MYO3A: variants seen among roughly 807,000 people sequenced by gnomAD.
MYO3A encodes the protein myosin-IIIa.
Under a neutral mutation model 192.7 loss-of-function variants are expected in MYO3A, and 180 were observed. That is an observed-to-expected ratio of 0.93 (90% CI 0.83 to 1.06). MYO3A has a LOEUF of 1.06. Among genes scored for constraint, MYO3A ranks in the 50% least tolerant of loss-of-function variants. The pLI is 0.00. For synonymous variants in MYO3A, 628 were observed against 645.3 expected, an observed-to-expected ratio of 0.97 and a Z score of 0.41; for missense variants, 1,896 against 1,905.0, an observed-to-expected ratio of 1.00 and a Z score of 0.09.
chr10:26,100,855 A>G, intron 17 of MYO3A, among the ~76,000 whole-genome samples: 1 of 152,208 alleles, frequency 6.6e-6, no homozygotes, highest in Non-Finnish European at 1.5e-5. Flanking sequence ...TATGGTGCTG[A>G]GAAGAATGTA....
intron 17 of MYO3A, among the ~76,000 whole-genome samples, chr10:26,119,056 C>T (rs1838691484): frequency 6.6e-6 from 1 of 152,120 alleles, no homozygotes; most frequent in Non-Finnish European, 1.5e-5. Context: ...TTCCTTCTTT[C>T]CTCTAGGAAG....
At chr10:26,200,828 C>T (rs536542557) in intron 32 of MYO3A, 1 of 152,390 alleles carries the variant, frequency 6.6e-6, no homozygotes, top group Admixed American at 6.5e-5. Context: ...TTTCACCTGC[C>T]GTCCATATTC....
chr10:26,004,792 A>G (rs1290526979), intron 6 of MYO3A, among the ~76,000 whole-genome samples: 1 of 152,190 alleles, frequency 6.6e-6, no homozygotes, highest in Non-Finnish European at 1.5e-5. Flanking sequence ...TAATGATAGT[A>G]ATTCACTGAA....
At chr10:26,092,203 C>T (rs1167528375) in intron 15 of MYO3A, among the ~76,000 whole-genome samples, 2 of 152,224 alleles carry the variant, frequency 1.3e-5, no homozygotes, top group Non-Finnish European at 2.9e-5. Flanking sequence ...TGCGGTGGCT[C>T]ACGCCTGTAA....
chr10:26,157,785 A>G (rs1159919389), intron 26 of MYO3A, among the ~76,000 whole-genome samples: 1 of 152,194 alleles, frequency 6.6e-6, no homozygotes, highest in African/African-American at 2.4e-5. Flanking sequence ...TTCTCGCCCT[A>G]GCTCAGCCAC....
intron 33 of MYO3A, among the ~76,000 whole-genome samples, chr10:26,202,429 T>C (rs1198052455): frequency 6.6e-6 from 1 of 152,224 alleles, no homozygotes. Context: ...GATGCACCCT[T>C]ATGTGTATGT....
chr10:26,021,728 T>A, intron 8 of MYO3A, 80 bp downstream of exon 8: 1 of 1,558,290 alleles, frequency 6.4e-7, no homozygotes, highest in Admixed American at 1.7e-5. Flanking sequence ...ATGCTCTTCA[T>A]GGAGACGTTC....
At chr10:26,075,817 G>GTC (rs1029560812) in intron 14 of MYO3A, among the ~76,000 whole-genome samples, 2 of 144,958 alleles carry the variant, frequency 1.4e-5, no homozygotes, top group Non-Finnish European at 3.0e-5. Flanking sequence ...ATATATATAT[G>GTC]TCTCTCATAT....
At chr10:26,029,234 C>T (rs2131136982) in intron 10 of MYO3A, among the ~76,000 whole-genome samples, 1 of 152,260 alleles carries the variant, frequency 6.6e-6, no homozygotes, top group South Asian at 2.1e-4. Context: ...TTCTGAGACA[C>T]AAGATGTAGT....
intron 23 of MYO3A, among the ~76,000 whole-genome samples, chr10:26,148,461 G>A (rs984954058): frequency 6.6e-6 from 1 of 152,236 alleles, no homozygotes; most frequent in Admixed American, 6.5e-5. Flanking sequence ...TCTTATTCAG[G>A]CTTGTTTAGG....
chr10:26,004,486 G>C (rs976718856), intron 6 of MYO3A, among the ~76,000 whole-genome samples: 2 of 139,044 alleles, frequency 1.4e-5, no homozygotes, highest in Non-Finnish European at 3.3e-5. Flanking sequence ...GAATGCATGT[G>C]AGTGTGTGTG....
intron 7 of MYO3A, among the ~76,000 whole-genome samples, chr10:26,018,765 A>G (rs753591842): frequency 2.0e-5 from 3 of 152,196 alleles, no homozygotes; most frequent in Non-Finnish European, 2.9e-5. Context: ...AAGAATGTCT[A>G]AGGCAAACTG....
intron 17 of MYO3A, among the ~76,000 whole-genome samples, chr10:26,111,944 C>G (rs1838209341): frequency 6.6e-6 from 1 of 152,190 alleles, no homozygotes; most frequent in African/African-American, 2.4e-5. Context: ...GCTTCTTACA[C>G]ATTCACTTTT....
At chr10:26,111,601 A>G (rs573564498) in intron 17 of MYO3A, among the ~76,000 whole-genome samples, 2 of 152,230 alleles carry the variant, frequency 1.3e-5, no homozygotes, top group East Asian at 3.9e-4. Context: ...CACAGTTTGT[A>G]CCTATGAAGA....
intron 31 of MYO3A, among the ~76,000 whole-genome samples, chr10:26,184,240 T>C (rs1455771319): frequency 2.0e-5 from 3 of 152,156 alleles, no homozygotes; most frequent in African/African-American, 7.2e-5. Context: ...CTGGTGGAAA[T>C]GGCAGCTTCC....
intron 17 of MYO3A, among the ~76,000 whole-genome samples, chr10:26,116,454 A>T (rs1409602488): frequency 6.6e-6 from 1 of 152,154 alleles, no homozygotes. Flanking sequence ...GTATGACCTT[A>T]TCTTAACTAT....
At chr10:25,988,518 ACAGT>A (rs1214085028) in intron 4 of MYO3A, among the ~76,000 whole-genome samples, 1 of 152,190 alleles carries the variant, frequency 6.6e-6, no homozygotes, top group African/African-American at 2.4e-5. Context: ...ACCGTGGGAA[ACAGT>A]CTGGCTGATG....
intron 34 of MYO3A, among the ~76,000 whole-genome samples, chr10:26,209,135 T>C (rs1220989784): frequency 6.6e-6 from 1 of 152,204 alleles, no homozygotes; most frequent in Admixed American, 6.5e-5. Flanking sequence ...ACATGCTGAA[T>C]ATATCAGTCG....
Position 26,203,122 on chromosome 10 carries a change from T to G in MYO3A, c.4730+15T>G, listed in dbSNP as rs753444261. 1.9e-5 allele frequency: 30 copies of G among 1,612,290 alleles called. No individual in the cohort carries two copies. In the East Asian group the frequency reaches 6.7e-4, roughly 36 times the overall value. ...GCTAATGAAAGGTAAAAAGCTAAAC[T>G]TTAAAGTACATCATTTGCAGTTTTA... On this transcript the variant is annotated intron_variant, in intron 34 of 34. Coordinates refer to ENST00000642920, the MANE Select transcript of MYO3A (RefSeq NM_017433.5).
Sources: gnomAD v4.1 joint callset for allele counts (sites outside exome capture counted in the v4.1 genomes callset) on GRCh38, gnomAD v4.1.1 for gene constraint, MANE v1.5 for transcripts, NCBI Gene and HGNC (gene_info 2026-07-23, HGNC 2026-07-21) for gene names.